Variants in SNRPB2 observed in about 807,000 individuals in gnomAD.
SNRPB2 encodes small nuclear ribonucleoprotein polypeptide B2, also known as U2 small nuclear ribonucleoprotein B''.
SNRPB2 carries 16 observed loss-of-function variants against 26.3 expected under a neutral mutation model. The observed-to-expected ratio is 0.61, with a 90% CI of 0.41 to 0.92. SNRPB2 has a LOEUF of 0.92. Among genes scored for constraint, SNRPB2 ranks in the 40% least tolerant of loss-of-function variants. SNRPB2 has a pLI of 0.00. For synonymous variants in SNRPB2, 75 were observed against 89.0 expected, an observed-to-expected ratio of 0.84 and a Z score of 0.88; for missense variants, 179 against 268.1, an observed-to-expected ratio of 0.67 and a Z score of 2.32.
intron 3 of SNRPB2, among the ~76,000 whole-genome samples, chr20:16,733,687 G>T (rs897481888): frequency 6.6e-6 from 1 of 152,220 alleles, no homozygotes; most frequent in Non-Finnish European, 1.5e-5. Context: ...TCCCAGATGA[G>T]AACAGGCAGT....
rs2072466002 is a variant in SNRPB2 at position 16,742,027 on chromosome 20, C to T, written c.*1022C>T. ...TATTCCTTGAACAAAACCTTTATCA[C>T]TTGGAATTTTTATTGTCTACTTATG... On this transcript the variant is annotated 3_prime_UTR_variant, in exon 7 of 7. Coordinates refer to ENST00000246071, the MANE Select transcript of SNRPB2 (RefSeq NM_003092.5). 1 of 151,710 alleles carries T rather than the reference C, an allele frequency of 6.6e-6. No homozygotes were observed. The highest frequency in any genetic ancestry group is 2.1e-4 in the South Asian group (1 of 4,786). 9.4% of individuals were successfully genotyped at this position (151,710 alleles called of 1,614,324 possible).
At chr20:16,731,858 T>C (rs1461373938) in intron 2 of SNRPB2, 92 bp downstream of exon 2, 2 of 1,558,568 alleles carry the variant, frequency 1.3e-6, no homozygotes, top group Non-Finnish European at 1.7e-6. Context: ...TCTTACCTCA[T>C]CATCTTAGTG....
intron 5 of SNRPB2, among the ~76,000 whole-genome samples, chr20:16,739,639 G>A (rs2423997): frequency 0.18 from 26,780 of 151,992 alleles, 2,555 homozygotes; most frequent in South Asian, 0.32. Flanking sequence ...GCCTTGAGTT[G>A]TTCACTAATT....
rs1033769239 is a variant in SNRPB2, at chr20:16,731,541, TA to T, written c.-35-124del. ...GGGCTAGTAGGTGCTGGAGATACAATAAAGGCTACAGCCAAACTGACATTTT... is the reference window on the plus strand; with the variant it reads ...GGGCTAGTAGGTGCTGGAGATACAATAAGGCTACAGCCAAACTGACATTTT... On this transcript the variant is annotated intron_variant, in intron 1 of 6. Coordinates refer to ENST00000246071, the MANE Select transcript of SNRPB2 (RefSeq NM_003092.5). 3 of 908,512 alleles carry T rather than the reference TA, an allele frequency of 3.3e-6. No individual in the cohort carries two copies. The African/African-American group carries it at 5.0e-5, about 15-fold the overall frequency. 56.3% of individuals were successfully genotyped at this position (908,512 alleles called of 1,614,324 possible). A position where few individuals can be genotyped will look rare whatever the true frequency, so the allele number is the denominator to read the frequency against.
chr20:16,741,262 G>A lies in SNRPB2; in HGVS notation c.*257G>A. 3.5e-6 allele frequency: 1 copy of A among 285,698 alleles called. No homozygotes were observed. Among genetic ancestry groups the A allele is most frequent in the Non-Finnish European group, 6.5e-6 (1 of 153,538 alleles). The allele number at this position is 285,698 out of a possible 1,614,324, so 17.7% of individuals were successfully genotyped here. ...TTGACCCATCTCCCTATCATCAAAT[G>A]ACTTCTAGTCTAGAACACACTTAAG... is the stretch of plus-strand genomic sequence containing the variant. On this transcript the variant is annotated 3_prime_UTR_variant, in exon 7 of 7. Coordinates refer to ENST00000246071, the MANE Select transcript of SNRPB2 (RefSeq NM_003092.5).
At chr20:16,734,565 C>G (rs910185967) in intron 3 of SNRPB2, among the ~76,000 whole-genome samples, 1 of 152,182 alleles carries the variant, frequency 6.6e-6, no homozygotes, top group African/African-American at 2.4e-5. Context: ...ACTTTTATCT[C>G]TAATAGGTAT....
In SNRPB2 at chr20:16,736,974, A is replaced by T. The variant is rs74929544; in HGVS notation, c.238-287A>T. Among the ~76,000 whole-genome samples the T allele has an allele frequency of 4.1e-3, 629 of 152,332 alleles. 2 individuals carry two copies. Among genetic ancestry groups the T allele is most frequent in the Middle Eastern group, 0.017 (5 of 294 alleles). ...ATGCAGTTTTCTCTATTCTTTGATT[A>T]AATGGAGAGAAGCCGTGGTACAGAT... On this transcript the variant is annotated intron_variant, in intron 3 of 6. Coordinates refer to ENST00000246071, the MANE Select transcript of SNRPB2 (RefSeq NM_003092.5).
At chr20:16,737,988 G>A (rs1315683962) in intron 4 of SNRPB2, among the ~76,000 whole-genome samples, 1 of 146,312 alleles carries the variant, frequency 6.8e-6, no homozygotes, top group African/African-American at 2.5e-5. Context: ...GCAGTGAGCC[G>A]AGATTGTGCC....
chr20:16,733,580 C>T (rs2072406918), intron 3 of SNRPB2, among the ~76,000 whole-genome samples: 2 of 152,144 alleles, frequency 1.3e-5, no homozygotes, highest in Admixed American at 1.3e-4. Flanking sequence ...AGCAAACTTT[C>T]CGTAAAGGAC....
chr20:16,738,822 A>G (rs1422421657), intron 4 of SNRPB2, 30 bp from the exon 5 acceptor site: 4 of 1,376,478 alleles, frequency 2.9e-6, no homozygotes. Context: ...GGGATTGGAT[A>G]TTTAAACTCT....
In SNRPB2 at chr20:16,742,520, G is replaced by T. The variant is rs369627547; in HGVS notation, c.*1515G>T. 1.3e-5 allele frequency: 2 copies of T among 151,878 alleles called. No homozygotes were observed. The highest frequency in any genetic ancestry group is 6.6e-5 in the Admixed American group (1 of 15,254). 9.4% of individuals were successfully genotyped at this position (151,878 alleles called of 1,614,324 possible). On this transcript the variant is annotated 3_prime_UTR_variant, in exon 7 of 7. Transcript: ENST00000246071. The stretch of plus-strand genomic sequence containing the variant: ...TATTTTAGAGAATTTTTTTAAAGTG[G>T]GTTAGAATTTACGTACAATAAAGTT...
At chr20:16,732,895 C>G (rs984473112) in intron 3 of SNRPB2, among the ~76,000 whole-genome samples, 1 of 152,186 alleles carries the variant, frequency 6.6e-6, no homozygotes, top group East Asian at 1.9e-4. Context: ...GGATGAAGGT[C>G]GCATTGTGGG....
At chr20:16,740,708 C>A in intron 6 of SNRPB2, 138 bp from the exon 7 acceptor site, 1 of 699,012 alleles carries the variant, frequency 1.4e-6, no homozygotes, top group South Asian at 2.1e-5. Flanking sequence ...ACATGAGGCT[C>A]TTCCGTCTAC....
intron 5 of SNRPB2, among the ~76,000 whole-genome samples, chr20:16,739,822 G>A (rs985560765): frequency 2.7e-5 from 4 of 150,636 alleles, no homozygotes; most frequent in African/African-American, 9.8e-5. Flanking sequence ...ACTAGATGCT[G>A]TGTATATCTC....
chr20:16,733,335 T>G (rs963604185), intron 3 of SNRPB2, among the ~76,000 whole-genome samples: 4 of 152,246 alleles, frequency 2.6e-5, no homozygotes, highest in Non-Finnish European at 5.9e-5. Context: ...AACAACCCTT[T>G]AACATTATCT....
At chr20:16,737,083 A>T (rs931182340) in intron 3 of SNRPB2, among the ~76,000 whole-genome samples, 178 bp from the exon 4 acceptor site, 1 of 152,232 alleles carries the variant, frequency 6.6e-6, no homozygotes. Context: ...TGTCTAAATT[A>T]TGAATTATAG....
At chr20:16,734,120 A>T (rs2072410411) in intron 3 of SNRPB2, among the ~76,000 whole-genome samples, 1 of 152,232 alleles carries the variant, frequency 6.6e-6, no homozygotes, top group East Asian at 1.9e-4. Context: ...TTACTCAGAT[A>T]CAGGAAAGGA....
chr20:16,738,338 A>G (rs888503254), intron 4 of SNRPB2, among the ~76,000 whole-genome samples: 4 of 148,852 alleles, frequency 2.7e-5, no homozygotes, highest in Admixed American at 1.3e-4. Flanking sequence ...GCTACTCAGG[A>G]GGCTTGAAGC....
intron 4 of SNRPB2, among the ~76,000 whole-genome samples, chr20:16,737,602 A>G (rs536413177): frequency 3.3e-4 from 50 of 152,320 alleles, no homozygotes; most frequent in Non-Finnish European, 5.6e-4. Flanking sequence ...ATGGAGATTT[A>G]TATTAAGCAG....
Sources: allele counts gnomAD v4.1 joint callset (sites outside exome capture counted in the v4.1 genomes callset), GRCh38; gene constraint gnomAD v4.1.1; transcripts MANE v1.5; gene names NCBI Gene and HGNC (gene_info 2026-07-23, HGNC 2026-07-21).